Variants in GLT1D1 observed in about 807,000 individuals in gnomAD.
The protein encoded by GLT1D1 is glycosyltransferase 1 domain-containing protein 1.
Under a neutral mutation model 28.7 loss-of-function variants are expected in GLT1D1, and 21 were observed. The observed-to-expected ratio is 0.73, with a 90% CI of 0.52 to 1.05. The LOEUF (loss-of-function observed/expected upper bound fraction) is 1.05. Among genes scored for constraint, GLT1D1 ranks in the 50% least tolerant of loss-of-function variants. The probability of loss-of-function intolerance (pLI) is 0.00; values close to 1 mark genes in which losing one functional copy is unlikely to be tolerated. For missense variants in GLT1D1, 343 were observed against 330.6 expected, an observed-to-expected ratio of 1.04 and a Z score of -0.29; for synonymous variants, 147 against 124.8, an observed-to-expected ratio of 1.18 and a Z score of -1.19.
chr12:128,872,383 T>C (rs537983367), intron 1 of GLT1D1, among the ~76,000 whole-genome samples: 65 of 152,130 alleles, frequency 4.3e-4, no homozygotes, highest in African/African-American at 1.5e-3. Flanking sequence ...CAAAACAAAA[T>C]GGGAATTTTG....
Position 128,891,095 on chromosome 12 carries a change from G to A in GLT1D1, c.323+2351G>A, listed in dbSNP as rs142167882. On this transcript the variant is annotated intron_variant, in intron 3 of 7. Coordinates refer to ENST00000281703, the MANE Select transcript of GLT1D1 (RefSeq NM_144669.3). ...TGCACTCTAGCCTGGGTGACAGAGC[G>A]ACACTGTCTCAAAAAAAAAAAAATT... 1.1e-3 allele frequency among the ~76,000 whole-genome samples: 147 copies of A among 138,188 alleles called. 5 individuals are homozygous for A. In the East Asian group the frequency reaches 0.029, roughly 27 times the overall value. 90.7% of individuals were successfully genotyped at this position (138,188 alleles called of 152,430 possible).
In GLT1D1 at chr12:128,952,826, T is replaced by C. The variant is rs867308819; in HGVS notation, c.541-4719T>C. On this transcript the variant is annotated intron_variant, in intron 6 of 7. Transcript: ENST00000281703. Reference sequence around the variant, plus strand: ...CGTACTCTTGCTCTGTCACCCAGGCTGGAGTGCAGTGGCACATTCTTGGCT... The same window carrying C: ...CGTACTCTTGCTCTGTCACCCAGGCCGGAGTGCAGTGGCACATTCTTGGCT... Among the ~76,000 whole-genome samples, 4 of 120,930 alleles carry C rather than the reference T, an allele frequency of 3.3e-5. No homozygotes were observed. The South Asian group carries it at 8.8e-4, about 27-fold the overall frequency. 79.3% of individuals were successfully genotyped at this position (120,930 alleles called of 152,430 possible). A position where few individuals can be genotyped will look rare whatever the true frequency, so the allele number is the denominator to read the frequency against.
chr12:128,891,985 C>T (rs1476777213), intron 3 of GLT1D1, among the ~76,000 whole-genome samples: 3 of 152,100 alleles, frequency 2.0e-5, no homozygotes, highest in Admixed American at 6.6e-5. Context: ...AGGAGGTACA[C>T]TGGTTCGGTC....
intron 6 of GLT1D1, among the ~76,000 whole-genome samples, chr12:128,955,082 A>T: frequency 6.6e-6 from 1 of 152,198 alleles, no homozygotes; most frequent in East Asian, 1.9e-4. Flanking sequence ...GGGAAGGTTG[A>T]GATGTTGACC....
chr12:128,877,879 G>C (rs1956911481), intron 2 of GLT1D1, among the ~76,000 whole-genome samples: 1 of 152,206 alleles, frequency 6.6e-6, no homozygotes, highest in Non-Finnish European at 1.5e-5. Context: ...CTGGTGGCTT[G>C]ACTGGGGCTT....
intron 1 of GLT1D1, among the ~76,000 whole-genome samples, chr12:128,875,573 G>A (rs150866997): frequency 0.01 from 1,595 of 152,286 alleles, 18 homozygotes; most frequent in Non-Finnish European, 0.015. Flanking sequence ...AAAGCAGGTG[G>A]ATTACCTGAG....
intron 3 of GLT1D1, among the ~76,000 whole-genome samples, chr12:128,889,444 G>C (rs1182254726): frequency 6.6e-6 from 1 of 152,120 alleles, no homozygotes; most frequent in Non-Finnish European, 1.5e-5. Context: ...GGGTCACTGT[G>C]ATAATCCTGG....
At chr12:128,916,389 A>G (rs1479517046) in intron 4 of GLT1D1, among the ~76,000 whole-genome samples, 1 of 152,186 alleles carries the variant, frequency 6.6e-6, no homozygotes, top group Non-Finnish European at 1.5e-5. Context: ...AATGCCTCTA[A>G]GTCAAATAGC....
chr12:128,964,731 A>T (rs1169694551), intron 7 of GLT1D1, among the ~76,000 whole-genome samples: 1 of 152,140 alleles, frequency 6.6e-6, no homozygotes, highest in Non-Finnish European at 1.5e-5. Flanking sequence ...ATGTTGTGTT[A>T]TTAGTGTGAA....
chr12:128,933,984 T>C (rs918017165), intron 4 of GLT1D1, among the ~76,000 whole-genome samples: 1 of 152,148 alleles, frequency 6.6e-6, no homozygotes, highest in African/African-American at 2.4e-5. Flanking sequence ...ATACAACAGA[T>C]TTAACACCCT....
chr12:128,867,794 A>G (rs1480038522), intron 1 of GLT1D1, among the ~76,000 whole-genome samples: 1 of 152,206 alleles, frequency 6.6e-6, no homozygotes, highest in Non-Finnish European at 1.5e-5. Flanking sequence ...ATGGCGGAGC[A>G]TGGAATCTCC....
intron 1 of GLT1D1, among the ~76,000 whole-genome samples, chr12:128,855,491 A>G (rs1250510757): frequency 6.6e-6 from 1 of 152,034 alleles, no homozygotes; most frequent in Non-Finnish European, 1.5e-5. Context: ...AGTTGAGCCC[A>G]GGAGGTTGAG....
chr12:128,890,158 G>A (rs1170466129), intron 3 of GLT1D1, among the ~76,000 whole-genome samples: 1 of 152,192 alleles, frequency 6.6e-6, no homozygotes, highest in Non-Finnish European at 1.5e-5. Context: ...CTTTAACCCT[G>A]TAGGGAAAGT....
intron 4 of GLT1D1, among the ~76,000 whole-genome samples, chr12:128,909,878 C>T (rs149485317): frequency 2.0e-5 from 3 of 152,358 alleles, no homozygotes; most frequent in African/African-American, 7.2e-5. Context: ...ATGAGCTAAT[C>T]TGCAAGGCAG....
At chr12:128,923,714 AT>A (rs1249172018) in intron 4 of GLT1D1, among the ~76,000 whole-genome samples, 1 of 151,280 alleles carries the variant, frequency 6.6e-6, no homozygotes, top group Non-Finnish European at 1.5e-5. Context: ...TAGAGACGGG[AT>A]TTCACCACGT....
At chr12:128,899,842 G>C (rs937183212) in intron 4 of GLT1D1, among the ~76,000 whole-genome samples, 1 of 152,058 alleles carries the variant, frequency 6.6e-6, no homozygotes, top group Non-Finnish European at 1.5e-5. Context: ...ATGAGCCACC[G>C]AACCTGGCCC....
chr12:128,876,578 A>C (rs1315999026), intron 2 of GLT1D1, among the ~76,000 whole-genome samples: 1 of 152,106 alleles, frequency 6.6e-6, no homozygotes, highest in Non-Finnish European at 1.5e-5. Context: ...AGCCTCCCAA[A>C]GTGCTGGGAT....
chr12:128,862,920 A>G (rs1566081309), intron 1 of GLT1D1, among the ~76,000 whole-genome samples: 1 of 152,234 alleles, frequency 6.6e-6, no homozygotes, highest in Non-Finnish European at 1.5e-5. Context: ...GTGCTATGAC[A>G]GAGAAGTGTA....
intron 7 of GLT1D1, among the ~76,000 whole-genome samples, chr12:128,977,631 G>T (rs1037517214): frequency 1.2e-4 from 19 of 152,164 alleles, no homozygotes; most frequent in African/African-American, 4.1e-4. Context: ...GCCCCGGAAG[G>T]CATTTGCGTT....
Sources: gnomAD v4.1 joint callset for allele counts (sites outside exome capture counted in the v4.1 genomes callset) on GRCh38, gnomAD v4.1.1 for gene constraint, MANE v1.5 for transcripts, NCBI Gene and HGNC (gene_info 2026-07-23, HGNC 2026-07-21) for gene names.